SHTN1: variants seen among roughly 807,000 people sequenced by gnomAD.
The protein encoded by SHTN1 is shootin-1.
A neutral mutation model predicts 83.1 loss-of-function variants in SHTN1; 42 were observed. That is an observed-to-expected ratio of 0.51 (90% CI 0.39 to 0.65). The LOEUF (loss-of-function observed/expected upper bound fraction) is 0.65, where lower values mean the gene tolerates loss of function less well. Ranked by LOEUF, SHTN1 falls within the 30% of genes least tolerant of loss-of-function variation. The pLI is 0.00. For synonymous variants in SHTN1, 224 were observed against 247.7 expected, an observed-to-expected ratio of 0.90 and a Z score of 0.90; for missense variants, 622 against 737.8, an observed-to-expected ratio of 0.84 and a Z score of 1.82.
At chr10:117,100,846 A>AAGATTCTG (rs1853580925) in intron 1 of SHTN1, among the ~76,000 whole-genome samples, 1 of 152,228 alleles carries the variant, frequency 6.6e-6, no homozygotes, top group Non-Finnish European at 1.5e-5. Context: ...AGTTTATGCA[A>AAGATTCTG]AGATTCTGAG....
intron 2 of SHTN1, among the ~76,000 whole-genome samples, chr10:117,035,480 A>C (rs1852481149): frequency 6.6e-6 from 1 of 152,166 alleles, no homozygotes; most frequent in Non-Finnish European, 1.5e-5. Context: ...ACAAATAAAC[A>C]AATGGAATCA....
intron 2 of SHTN1, among the ~76,000 whole-genome samples, chr10:116,969,103 A>C (rs879784256): frequency 3.9e-5 from 6 of 152,298 alleles, no homozygotes; most frequent in Admixed American, 3.9e-4. Flanking sequence ...AACTACCCAG[A>C]ACATTGGTGC....
chr10:117,075,742 T>C (rs967319334), intron 1 of SHTN1, among the ~76,000 whole-genome samples: 1 of 151,992 alleles, frequency 6.6e-6, no homozygotes, highest in Admixed American at 6.6e-5. Flanking sequence ...AGAGGAAGAA[T>C]TGAGAACACC....
intron 1 of SHTN1, among the ~76,000 whole-genome samples, chr10:116,985,868 C>CT (rs1408676258): frequency 2.6e-5 from 4 of 152,264 alleles, no homozygotes; most frequent in African/African-American, 9.6e-5. Context: ...GGGTCGTCCT[C>CT]TTATAGCCAG....
At chr10:116,996,329 C>T (rs1378529018) in intron 1 of SHTN1, among the ~76,000 whole-genome samples, 1 of 152,170 alleles carries the variant, frequency 6.6e-6, no homozygotes, top group Admixed American at 6.5e-5. Flanking sequence ...TCCAAACTAA[C>T]ATTTCCAATT....
chr10:116,925,293 G>C (rs890089901), intron 11 of SHTN1, among the ~76,000 whole-genome samples: 37 of 152,198 alleles, frequency 2.4e-4, no homozygotes, highest in Non-Finnish European at 3.2e-4. Context: ...AGAACAACAA[G>C]GCTGATCCTC....
chr10:117,094,424 A>G (rs962044065), intron 1 of SHTN1, among the ~76,000 whole-genome samples: 1 of 152,190 alleles, frequency 6.6e-6, no homozygotes, highest in Non-Finnish European at 1.5e-5. Flanking sequence ...TCCCCTCCTC[A>G]GGAAAAAATC....
chr10:117,110,072 A>G (rs975014189), intron 1 of SHTN1, among the ~76,000 whole-genome samples: 15 of 152,170 alleles, frequency 9.9e-5, no homozygotes, highest in African/African-American at 3.6e-4. Flanking sequence ...AGCTAATATG[A>G]TAACTGCAAC....
In SHTN1 at chr10:116,886,575, T is replaced by TG. The variant is rs1847170888; in HGVS notation, c.1674-10dup. On this transcript the variant is annotated splice_polypyrimidine_tract_variant and intron_variant, in intron 16 of 16. Coordinates refer to ENST00000355371, the MANE Select transcript of SHTN1 (RefSeq NM_001127211.3). ...CAATGCTACTGGGAGGCCTATGAGA[T>TG]GAAGAGTTAGACAAAAAAAGTAAAA... The TG allele has an allele frequency of 3.1e-6, 5 of 1,613,090 alleles. No homozygotes were observed. The highest frequency in any genetic ancestry group is 4.2e-6 in the Non-Finnish European group (5 of 1,179,568).
chr10:117,039,715 T>TACC (rs1852555483), intron 2 of SHTN1, among the ~76,000 whole-genome samples: 1 of 151,778 alleles, frequency 6.6e-6, no homozygotes, highest in Non-Finnish European at 1.5e-5. Context: ...TAGCCGGGCG[T>TACC]GGTGGTGGGC....
intron 2 of SHTN1, among the ~76,000 whole-genome samples, chr10:117,047,659 T>C (rs1852684725): frequency 6.6e-6 from 1 of 151,950 alleles, no homozygotes; most frequent in Admixed American, 6.6e-5. Context: ...AGAATGGAAA[T>C]TTCAGGCCTG....
intron 1 of SHTN1, among the ~76,000 whole-genome samples, chr10:117,092,850 C>T (rs80089823): frequency 0.024 from 3,648 of 152,178 alleles, 127 homozygotes; most frequent in East Asian, 0.12. Flanking sequence ...GGTATGGGCT[C>T]ATATGTAATA....
At chr10:116,914,050 G>A (rs925353530) in intron 13 of SHTN1, among the ~76,000 whole-genome samples, 1 of 152,218 alleles carries the variant, frequency 6.6e-6, no homozygotes, top group Admixed American at 6.5e-5. Context: ...TGTTTCCTTA[G>A]ATGTAAATTT....
chr10:117,075,768 C>T (rs1366508074), intron 1 of SHTN1, among the ~76,000 whole-genome samples: 1 of 152,050 alleles, frequency 6.6e-6, no homozygotes, highest in Non-Finnish European at 1.5e-5. Flanking sequence ...CAAATAATAA[C>T]ATTAAATAGA....
At chr10:116,931,281 C>T (rs1848954243) in intron 9 of SHTN1, among the ~76,000 whole-genome samples, 1 of 152,100 alleles carries the variant, frequency 6.6e-6, no homozygotes, top group African/African-American at 2.4e-5. Flanking sequence ...TAGAGTCTCA[C>T]TCTTTCGGCC....
chr10:116,932,903 C>T (rs972400832), intron 9 of SHTN1, among the ~76,000 whole-genome samples: 1 of 152,140 alleles, frequency 6.6e-6, no homozygotes, highest in Non-Finnish European at 1.5e-5. Flanking sequence ...GTTCTAGGCA[C>T]GTATTATTTA....
chr10:117,024,962 C>T (rs1852310027), intron 2 of SHTN1, among the ~76,000 whole-genome samples: 1 of 152,106 alleles, frequency 6.6e-6, no homozygotes, highest in Non-Finnish European at 1.5e-5. Context: ...AAAAAACATA[C>T]AATTTACAAT....
At chr10:117,102,417 G>A (rs186593652) in intron 1 of SHTN1, among the ~76,000 whole-genome samples, 14 of 152,170 alleles carry the variant, frequency 9.2e-5, no homozygotes, top group Admixed American at 8.5e-4. Context: ...CCAAATGTTC[G>A]GGGACTTACT....
chr10:116,890,376 C>T (rs1201357811), intron 16 of SHTN1, among the ~76,000 whole-genome samples: 1 of 152,160 alleles, frequency 6.6e-6, no homozygotes, highest in East Asian at 1.9e-4. Flanking sequence ...CTAGTCTAAC[C>T]TTTTCAGTTG....
Sources: allele counts gnomAD v4.1 joint callset (sites outside exome capture counted in the v4.1 genomes callset), GRCh38; gene constraint gnomAD v4.1.1; transcripts MANE v1.5; gene names NCBI Gene and HGNC (gene_info 2026-07-23, HGNC 2026-07-21).